ZNF850: variants seen among roughly 807,000 people sequenced by gnomAD.
ZNF850 encodes zinc finger protein 850, also known as putative zinc finger protein ENSP00000330994.
A neutral mutation model predicts 11.9 loss-of-function variants in ZNF850; 2 were observed. The observed-to-expected ratio is 0.17, with a 90% confidence interval of 0.07 to 0.53. The LOEUF is 0.53. Among genes scored for constraint, ZNF850 ranks in the 20% least tolerant of loss-of-function variants. The pLI is 0.94. For synonymous variants in ZNF850, 381 were observed against 443.0 expected (o/e 0.86, Z 1.76); for missense variants, 1,014 against 1,316.4 (o/e 0.77, Z 3.55).
chr19:36,762,963 T>C (rs1435859254), intron 1 of ZNF850, among the ~76,000 whole-genome samples: 1 of 152,004 alleles, frequency 6.6e-6, no homozygotes, highest in Non-Finnish European at 1.5e-5. Context: ...TGATCACAGC[T>C]CACTGCAGCC....
Position 36,748,031 on chromosome 19 carries a change from G to A in ZNF850, c.3009C>T (p.His1003=), listed in dbSNP as rs1432111493. Reference sequence around the variant, plus strand: ...TACAATCATAAGGTTTCTCACCAGTGTGAGTTCGCTGATGTCGAATTAGTT... The same window carrying A: ...TACAATCATAAGGTTTCTCACCAGTATGAGTTCGCTGATGTCGAATTAGTT... ...GSELIRHQRT[H]TGEKPYDCKE... The change falls in exon 5 of 5, where the codon CAC becomes CAT. Residue 1003 remains histidine (H), a synonymous_variant. Coordinates refer to ENST00000591344, the MANE Select transcript of ZNF850 (RefSeq NM_001193552.2). 3.1e-6 allele frequency: 5 copies of A among 1,588,880 alleles called. No individual in the cohort carries two copies. Among genetic ancestry groups the A allele is most frequent in the Non-Finnish European group, 4.3e-6 (5 of 1,170,016 alleles).
rs2040444317 is a variant in ZNF850 at position 36,750,190 on chromosome 19, TACATTC to T, written c.844_849del (p.Glu282_Cys283del). 6.5e-7 allele frequency: 1 copy of T among 1,539,134 alleles called. No individual in the cohort carries two copies. The highest frequency in any genetic ancestry group is 1.2e-5 in the South Asian group (1 of 84,062). On this transcript the variant is annotated inframe_deletion, in exon 5 of 5. Coordinates refer to ENST00000591344, the MANE Select transcript of ZNF850 (RefSeq NM_001193552.2). ...GAAGTAAAAGATTTCCCACATTCTT[TACATTC>T]ATAAGGTTTGTCACCAGTATGAATT... is the stretch of plus-strand genomic sequence containing the variant.
At position 36,750,293 on chromosome 19, in the gene ZNF850, A is replaced by G; in HGVS notation, c.747T>C (p.Asp249=). Reference sequence around the variant, plus strand: ...ATTCCTGACACTCATGAGGTCTCTCATCTGTATACATTTTCTGGTGTTGAA... The same window carrying G: ...ATTCCTGACACTCATGAGGTCTCTCGTCTGTATACATTTTCTGGTGTTGAA... ...HLIQHQKMYT[D]ERPHECQESV... Residue 249 remains aspartate (D), a synonymous_variant, in exon 5 of 5, where the codon GAT becomes GAC. Transcript: ENST00000591344. 1 of 1,536,764 alleles carries G rather than the reference A, an allele frequency of 6.5e-7. No homozygotes were observed. The highest frequency in any genetic ancestry group is 8.7e-7 in the Non-Finnish European group (1 of 1,146,902).
At chr19:36,760,824 C>G (rs1383878023) in intron 4 of ZNF850, among the ~76,000 whole-genome samples, 1 of 151,976 alleles carries the variant, frequency 6.6e-6, no homozygotes, top group Admixed American at 6.6e-5. Context: ...AATATTGCAC[C>G]ACTGCACTCC....
chr19:36,763,779 C>A (rs1233695374), intron 1 of ZNF850, among the ~76,000 whole-genome samples: 1 of 151,404 alleles, frequency 6.6e-6, no homozygotes, highest in African/African-American at 2.4e-5. Flanking sequence ...AAATATATAT[C>A]ATATACAAAT....
At position 36,750,086 on chromosome 19, in the gene ZNF850, A is replaced by G. The variant is rs779634615; in HGVS notation, c.954T>C (p.Phe318=). ...GTCGAATTAGTGTTGAGCCAACAGT[A>G]AAAGATTTTCCACATTGCTTACAAT... ...PYHCKQCGKS[F]TVGSTLIRHQ... Residue 318 remains phenylalanine, a synonymous_variant, in exon 5 of 5, where the codon TTT becomes TTC. Coordinates refer to ENST00000591344, the MANE Select transcript of ZNF850 (RefSeq NM_001193552.2). 7 of 1,539,046 alleles carry G rather than the reference A, an allele frequency of 4.5e-6. No individual in the cohort carries two copies. The highest frequency in any genetic ancestry group is 1.7e-4 in the Middle Eastern group (1 of 5,992).
rs1361082349 is a variant in ZNF850, at chr19:36,762,334, A to G, written c.110T>C (p.Met37Thr). 1.3e-6 allele frequency: 2 copies of G among 1,584,852 alleles called. No individual in the cohort carries two copies. The highest frequency in any genetic ancestry group is 1.7e-6 in the Non-Finnish European group (2 of 1,171,850). ...TGAGACCAGGCTGCTGTAGTTCTCCATCATTACATCTCTGTATAAGTCCTT... is the reference window on the plus strand; with the variant it reads ...TGAGACCAGGCTGCTGTAGTTCTCCGTCATTACATCTCTGTATAAGTCCTT... ...AQKDLYRDVMMENYSSLVSLG... is the reference protein window; with the variant it reads ...AQKDLYRDVMTENYSSLVSLG... Residue 37 changes from methionine (M) to threonine (T), a missense_variant, in exon 3 of 5, where the codon ATG (methionine) becomes ACG (threonine). Met to Thr is a moderately conservative substitution (Grantham distance 81). Transcript: ENST00000591344.
intron 4 of ZNF850, among the ~76,000 whole-genome samples, chr19:36,755,270 C>T (rs1042413686): frequency 6.6e-6 from 1 of 152,140 alleles, no homozygotes. Context: ...CTCTGTCACC[C>T]GTGCCGGAAT....
intron 1 of ZNF850, among the ~76,000 whole-genome samples, chr19:36,769,292 G>GAAAC (rs2040568020): frequency 7.1e-6 from 1 of 140,056 alleles, no homozygotes; most frequent in Non-Finnish European, 1.5e-5. Flanking sequence ...AAGAAAGAAA[G>GAAAC]AAAGAAAGAA....
chr19:36,765,459 A>C (rs1044160664), intron 1 of ZNF850, among the ~76,000 whole-genome samples: 3 of 152,142 alleles, frequency 2.0e-5, no homozygotes, highest in African/African-American at 7.2e-5. Flanking sequence ...TAACTAAAGA[A>C]TAGGGACCCT....
At chr19:36,769,100 C>G (rs1313598584) in intron 1 of ZNF850, among the ~76,000 whole-genome samples, 1 of 150,784 alleles carries the variant, frequency 6.6e-6, no homozygotes, top group Non-Finnish European at 1.5e-5. Context: ...GTCTCTACTA[C>G]AAATACAAAA....
rs2040441838 is a variant in ZNF850 at position 36,749,948 on chromosome 19, G to A, written c.1092C>T (p.Pro364=). ...RHQRIHTGEK[P]YDCKECGKSF... ...ATTTTCCACATTCCTTACAGTCATA[G>A]GGTTTCTCACCAGTGTGAATTCGCT... Residue 364 remains proline, a synonymous_variant, in exon 5 of 5, where the codon CCC becomes CCT. Transcript: ENST00000591344. 4 of 1,569,348 alleles carry A rather than the reference G, an allele frequency of 2.5e-6. No homozygotes were observed. Among genetic ancestry groups the A allele is most frequent in the Non-Finnish European group, 3.4e-6 (4 of 1,159,814 alleles).
At chr19:36,770,537 A>G (rs2040574512) in intron 1 of ZNF850, among the ~76,000 whole-genome samples, 1 of 151,122 alleles carries the variant, frequency 6.6e-6, no homozygotes. Flanking sequence ...CGTCTCTACT[A>G]AAAAAAACAA....
Position 36,749,680 on chromosome 19 carries a change from A to G in ZNF850, c.1360T>C (p.Cys454Arg), listed in dbSNP as rs1177093751. 4 of 1,558,514 alleles carry G rather than the reference A, an allele frequency of 2.6e-6. No individual in the cohort carries two copies. The highest frequency in any genetic ancestry group is 3.5e-6 in the Non-Finnish European group (4 of 1,154,358). The change falls in exon 5 of 5, where the codon TGT (cysteine) becomes CGT (arginine). Residue 454 changes from cysteine to arginine, a missense_variant. Cys to Arg is a radical substitution (Grantham distance 180). This residue lies in a region of ZNF850 where 835 missense variants were observed against 1,022.0 expected (regional missense o/e 0.82). Transcript: ENST00000591344. ...GAGCCCGAAGCAAAAGATTTCCCAC[A>G]CTCCTTACAATCATAGGGTTTCTCA... ...TGEKPYDCKE[C>R]GKSFASGSAL...
chr19:36,762,246 C>G (rs902168237), intron 3 of ZNF850, 59 bp downstream of exon 3: 3 of 1,396,570 alleles, frequency 2.1e-6, no homozygotes, highest in African/African-American at 1.4e-5. Flanking sequence ...GAAAAGTCAC[C>G]CAGACAATTG....
chr19:36,748,571 A>G lies in ZNF850; in HGVS notation c.2469T>C (p.Thr823=). The change falls in exon 5 of 5, where the codon ACT becomes ACC. Residue 823 remains threonine (T), a synonymous_variant. Transcript: ENST00000591344. ...GATGTTGAATTAGTGCTGAGCGAAG[A>G]GTAAAAGATTTCCCACATTCCTTGC... ...YHCKECGKSF[T]LRSALIQHRP... The G allele has an allele frequency of 1.3e-6, 2 of 1,537,006 alleles. No homozygotes were observed. The highest frequency in any genetic ancestry group is 1.7e-6 in the Non-Finnish European group (2 of 1,146,890).
chr19:36,756,914 T>A (rs564971411), intron 4 of ZNF850, among the ~76,000 whole-genome samples: 1 of 152,336 alleles, frequency 6.6e-6, no homozygotes, highest in East Asian at 1.9e-4. Flanking sequence ...GAGCCTGGCC[T>A]GTAACAGTTT....
chr19:36,753,271 G>GAAA (rs71171470), intron 4 of ZNF850, among the ~76,000 whole-genome samples: 1 of 66,066 alleles, frequency 1.5e-5, no homozygotes, highest in Non-Finnish European at 2.8e-5. Flanking sequence ...TTCATCTCAG[G>GAAA]AAAAAAAAAA....
rs182106340 is a variant in ZNF850 at position 36,753,867 on chromosome 19, T to C, written c.236-3063A>G. ...GAATGGAGGCAATCTGGCTCAAGAGTCCATGCTTTCAACTTCCAAATCAGT... is the reference window on the plus strand; with the variant it reads ...GAATGGAGGCAATCTGGCTCAAGAGCCCATGCTTTCAACTTCCAAATCAGT... On this transcript the variant is annotated intron_variant, in intron 4 of 4. Coordinates refer to ENST00000591344, the MANE Select transcript of ZNF850 (RefSeq NM_001193552.2). Among the ~76,000 whole-genome samples, 4 of 152,136 alleles carry C rather than the reference T, an allele frequency of 2.6e-5. No individual in the cohort carries two copies. The East Asian group carries it at 7.7e-4, about 29-fold the overall frequency.
Sources: gnomAD v4.1 joint callset for allele counts (sites outside exome capture counted in the v4.1 genomes callset) on GRCh38, gnomAD v4.1.1 for gene constraint, gnomAD v4.1.1 regional missense constraint, MANE v1.5 for transcripts, NCBI Gene and HGNC (gene_info 2026-07-23, HGNC 2026-07-21) for gene names.